USP2: variants seen among roughly 807,000 people sequenced by gnomAD.
USP2 encodes ubiquitin carboxyl-terminal hydrolase 2.
Under a neutral mutation model 72.0 loss-of-function variants are expected in USP2, and 33 were observed. The ratio of observed to expected loss-of-function variants is 0.46; its 90% CI spans 0.35 to 0.61. The LOEUF is 0.61. Among genes scored for constraint, USP2 ranks in the 20% least tolerant of loss-of-function variants. The pLI is 0.01. For missense variants in USP2, 691 were observed against 797.8 expected, an observed-to-expected ratio of 0.87 and a Z score of 1.61; for synonymous variants, 296 against 312.5, an observed-to-expected ratio of 0.95 and a Z score of 0.56.
At chr11:119,357,385 C>G in intron 11 of USP2, 78 bp from the exon 12 acceptor site, 1 of 1,594,630 alleles carries the variant, frequency 6.3e-7, no homozygotes, top group South Asian at 1.1e-5. Flanking sequence ...TTCTGGGTCT[C>G]TCAGTAGCTG....
chr11:119,371,807 A>G (rs112601044), intron 2 of USP2, among the ~76,000 whole-genome samples: 27 of 152,018 alleles, frequency 1.8e-4, no homozygotes, highest in African/African-American at 6.5e-4. Flanking sequence ...CCGTGTATCC[A>G]CCCACCCACC....
chr11:119,371,364 A>G (rs571201869), intron 2 of USP2, among the ~76,000 whole-genome samples: 1 of 152,204 alleles, frequency 6.6e-6, no homozygotes, highest in East Asian at 1.9e-4. Context: ...CCCAGCACGC[A>G]GCACCCTGAG....
At position 119,356,797 on chromosome 11, in the gene USP2, C is replaced by A. The variant is rs1476812679; in HGVS notation, c.*38G>T. Reference sequence around the variant, plus strand: ...TTTTTAAAAAATTTAGGGAGCGGGGCCACCACGGGGAAGGGAGAAGGGACG... The same window carrying A: ...TTTTTAAAAAATTTAGGGAGCGGGGACACCACGGGGAAGGGAGAAGGGACG... On this transcript the variant is annotated 3_prime_UTR_variant, in exon 13 of 13. Transcript: ENST00000260187. 2 of 1,515,408 alleles carry A rather than the reference C, an allele frequency of 1.3e-6. No homozygotes were observed. The highest frequency in any genetic ancestry group is 1.8e-6 in the Non-Finnish European group (2 of 1,127,858). 93.9% of individuals were successfully genotyped at this position (1,515,408 alleles called of 1,614,324 possible). A position where few individuals can be genotyped will look rare whatever the true frequency, so the allele number is the denominator to read the frequency against.
At position 119,381,517 on chromosome 11, in the gene USP2, T is replaced by C; in HGVS notation, c.-86A>G. 1 of 1,536,124 alleles carries C rather than the reference T, an allele frequency of 6.5e-7. No individual in the cohort carries two copies. The highest frequency in any genetic ancestry group is 1.4e-5 in the African/African-American group (1 of 73,160). On this transcript the variant is annotated 5_prime_UTR_variant, in exon 1 of 13. An upstream start codon of the reference 5' UTR is lost. Coordinates refer to ENST00000260187, the MANE Select transcript of USP2 (RefSeq NM_004205.5). ...GGACGAGTCGAACCGGGCACAAGCA[T>C]GGAGCTGCGGGTGAGTCCCGGCTGG...
rs45615134 is a variant in USP2, at chr11:119,361,271, C to T, written c.775-1037G>A. Among the ~76,000 whole-genome samples, 1,345 of 152,278 alleles carry T rather than the reference C, an allele frequency of 8.8e-3. 11 individuals are homozygous for T. Among genetic ancestry groups the T allele is most frequent in the Non-Finnish European group, 0.015 (1,000 of 68,022 alleles). On this transcript the variant is annotated intron_variant, in intron 2 of 12. Transcript: ENST00000260187. Reference sequence around the variant, plus strand: ...GCCACTCTTGCTGTTGGCCCTATAGCGGAGGCGGGTGAGGGGGTTGGAGAG... The same window carrying T: ...GCCACTCTTGCTGTTGGCCCTATAGTGGAGGCGGGTGAGGGGGTTGGAGAG...
At chr11:119,359,486 G>A (rs1306427408) in intron 4 of USP2, 51 bp downstream of exon 4, 2 of 1,610,614 alleles carry the variant, frequency 1.2e-6, no homozygotes, top group Non-Finnish European at 1.7e-6. Context: ...CCCCAGTGGA[G>A]TGGAGGAGCA....
At chr11:119,376,677 T>C (rs1345805569) in intron 1 of USP2, among the ~76,000 whole-genome samples, 1 of 152,244 alleles carries the variant, frequency 6.6e-6, no homozygotes, top group Non-Finnish European at 1.5e-5. Context: ...TGCAGCAGAG[T>C]TCCTCTGCAC....
intron 1 of USP2, among the ~76,000 whole-genome samples, chr11:119,376,016 C>A (rs1950996190): frequency 6.6e-6 from 1 of 152,222 alleles, no homozygotes. Context: ...CCTAGCAGCC[C>A]TGGGAGTCAT....
At position 119,358,061 on chromosome 11, in the gene USP2, G is replaced by T. The variant is rs751562138; in HGVS notation, c.1342C>A (p.Arg448=). The T allele has an allele frequency of 1.2e-6, 2 of 1,614,040 alleles. No homozygotes were observed. Among genetic ancestry groups the T allele is most frequent in the African/African-American group, 1.3e-5 (1 of 74,902 alleles). The change falls in exon 9 of 13, where the codon CGA becomes AGA. Residue 448 remains arginine (R), a splice_region_variant and synonymous_variant. Coordinates refer to ENST00000260187, the MANE Select transcript of USP2 (RefSeq NM_004205.5). ...FWDLSLPIAK[R]GYPEVTLMDC... ...ATTAATGTCACCTCAGGATAACCTC[G>T]CTGGGAAGGGGAAAAAAGCAAAGGT...
At position 119,358,852 on chromosome 11, in the gene USP2, G is replaced by A. The variant is rs1166870967; in HGVS notation, c.1173-15C>T. 1.2e-6 allele frequency: 2 copies of A among 1,613,982 alleles called. No homozygotes were observed. The highest frequency in any genetic ancestry group is 1.3e-5 in the African/African-American group (1 of 75,034). ...TCTCGTCATCACTGGGAACCAGAGA[G>A]AGACAACAATTGGGTCAAAGCTCAA... On this transcript the variant is annotated splice_polypyrimidine_tract_variant and intron_variant, in intron 6 of 12. Transcript: ENST00000260187.
rs563102833 is a variant in USP2 at position 119,363,895 on chromosome 11, G to A, written c.775-3661C>T. On this transcript the variant is annotated intron_variant, in intron 2 of 12. Transcript: ENST00000260187. ...CCCCACGAAGGTGGAGAGCAGCAGG[G>A]ACGGGGAGAGAGGGGAGCGCGGCCG... The A allele has an allele frequency of 5.0e-5, 70 of 1,394,026 alleles. No homozygotes were observed. The Middle Eastern group carries it at 2.1e-3, about 42-fold the overall frequency. The allele number at this position is 1,394,026 out of a possible 1,614,324, so 86.4% of individuals were successfully genotyped here.
chr11:119,372,749 G>A lies in USP2; in HGVS notation c.732C>T (p.Ala244=). ...GGGAGCTGGAGCGGCTGGGCCCAGG[G>A]GCCTGACCCTTTCCCGTCTCCCACA... ...YTLWETGKGQ[A]PGPSRSSSPG... is the part of the protein sequence containing the mutation. The change falls in exon 2 of 13, where the codon GCC becomes GCT. Residue 244 remains alanine (A), a synonymous_variant. Transcript: ENST00000260187. 2 of 1,548,948 alleles carry A rather than the reference G, an allele frequency of 1.3e-6. No individual in the cohort carries two copies. The highest frequency in any genetic ancestry group is 1.7e-4 in the Middle Eastern group (1 of 5,724).
chr11:119,362,821 T>G (rs1419893456), intron 2 of USP2, among the ~76,000 whole-genome samples: 1 of 152,096 alleles, frequency 6.6e-6, no homozygotes, highest in East Asian at 1.9e-4. Context: ...TGAGAAAGTT[T>G]GGACCCAGTC....
In USP2 at chr11:119,372,860, A is replaced by G. The variant is rs1950950262; in HGVS notation, c.621T>C (p.Ser207=). ...GGGCCTGGGAGGGCACCTGAGATGC[A>G]CTGCCCTTGCGACCATAGTTCTCCA... ...DYLENYGRKG[S]ASQVPSQAPP... is the part of the protein sequence containing the mutation. Residue 207 remains serine, a synonymous_variant, in exon 2 of 13, where the codon AGT becomes AGC. Transcript: ENST00000260187. 6.2e-7 allele frequency: 1 copy of G among 1,607,718 alleles called. No homozygotes were observed. The highest frequency in any genetic ancestry group is 8.5e-7 in the Non-Finnish European group (1 of 1,177,582).
chr11:119,373,601 G>A, intron 1 of USP2, 80 bp from the exon 2 acceptor site: 1 of 1,325,232 alleles, frequency 7.5e-7, no homozygotes, highest in Non-Finnish European at 1.0e-6. Flanking sequence ...TCCTCAGCTG[G>A]GCCAGAACCT....
rs980605669 is a variant in USP2, at chr11:119,357,818, T to G, written c.1440A>C (p.Arg480=). ...GDEKPTCCRC[R]GRKRCIKKFS... Reference sequence around the variant, plus strand: ...ACTTCTTTATACACCGTTTTCTGCCTCGGCAGCGACAGCATGTCTGAGAGA... The same window carrying G: ...ACTTCTTTATACACCGTTTTCTGCCGCGGCAGCGACAGCATGTCTGAGAGA... Residue 480 remains arginine (R), a synonymous_variant, in exon 10 of 13, where the codon CGA becomes CGC. Transcript: ENST00000260187. 6 of 1,613,740 alleles carry G rather than the reference T, an allele frequency of 3.7e-6. No individual in the cohort carries two copies. The African/African-American group carries it at 6.7e-5, about 18-fold the overall frequency.
At chr11:119,381,334 G>T in intron 1 of USP2, 139 bp downstream of exon 1, 3 of 951,412 alleles carry the variant, frequency 3.2e-6, no homozygotes, top group Non-Finnish European at 4.6e-6. Context: ...CAGCTGGAGC[G>T]TCCCTGCACA....
chr11:119,356,738 G>A lies in USP2; in HGVS notation c.*97C>T. On this transcript the variant is annotated 3_prime_UTR_variant, in exon 13 of 13. Coordinates refer to ENST00000260187, the MANE Select transcript of USP2 (RefSeq NM_004205.5). ...TTCAGGTTTGTTTTTCTCTTGTCAG[G>A]TTTGTGTGTTGTTGTTGTTGTTTTG... 4.0e-6 allele frequency: 5 copies of A among 1,258,106 alleles called. No individual in the cohort carries two copies. Among genetic ancestry groups the A allele is most frequent in the Non-Finnish European group, 5.5e-6 (5 of 914,740 alleles). The allele number at this position is 1,258,106 out of a possible 1,614,324, so 77.9% of individuals were successfully genotyped here.
chr11:119,363,160 C>A (rs1565307039), intron 2 of USP2, among the ~76,000 whole-genome samples: 1 of 152,226 alleles, frequency 6.6e-6, no homozygotes, highest in Non-Finnish European at 1.5e-5. Context: ...GCACGCACTG[C>A]CAGCACGGGA....
Sources: gnomAD v4.1 joint callset for allele counts (sites outside exome capture counted in the v4.1 genomes callset) on GRCh38, gnomAD v4.1.1 for gene constraint, MANE v1.5 for transcripts, NCBI Gene and HGNC (gene_info 2026-07-23, HGNC 2026-07-21) for gene names.